Variants in FMNL3 observed in about 807,000 individuals in gnomAD.
The protein encoded by FMNL3 is formin-like protein 3.
In FMNL3, 57 loss-of-function variants were observed where a neutral mutation model predicts 119.6. The observed-to-expected ratio is 0.48, with a 90% CI of 0.39 to 0.59. The LOEUF (loss-of-function observed/expected upper bound fraction) is 0.59, where lower values mean the gene tolerates loss of function less well. FMNL3 is among the 20% of genes least tolerant of loss of function. The pLI is 0.00. For synonymous variants in FMNL3, 491 were observed against 507.3 expected (o/e 0.97, Z 0.43); for missense variants, 1,053 against 1,323.5 (o/e 0.80, Z 3.17).
intron 1 of FMNL3, among the ~76,000 whole-genome samples, chr12:49,704,710 CAAAAAAAAAAAAA>C (rs59799899): frequency 1.1e-4 from 4 of 37,848 alleles, no homozygotes; most frequent in Non-Finnish European, 2.3e-4. Flanking sequence ...AACTCCATCT[CAAAAAAAAAAAAA>C]AAAAAAAAAA....
intron 1 of FMNL3, among the ~76,000 whole-genome samples, chr12:49,698,128 A>G (rs1321312821): frequency 1.3e-5 from 2 of 152,230 alleles, no homozygotes; most frequent in East Asian, 3.8e-4. Context: ...CGTACAATTA[A>G]AAGAGGATTA....
Position 49,645,725 on chromosome 12 carries a change from G to T in FMNL3, c.*90C>A. The stretch of plus-strand genomic sequence containing the variant: ...CGGACATGGTTGAGAGAGCAACACA[G>T]CCCTCTCCTGAGCCCTTGGCCAATT... On this transcript the variant is annotated 3_prime_UTR_variant, in exon 26 of 26. Coordinates refer to ENST00000335154, the MANE Select transcript of FMNL3 (RefSeq NM_175736.5). 8.9e-7 allele frequency: 1 copy of T among 1,117,574 alleles called. No individual in the cohort carries two copies. Among genetic ancestry groups the T allele is most frequent in the Non-Finnish European group, 1.3e-6 (1 of 784,760 alleles). The allele number at this position is 1,117,574 out of a possible 1,614,324, so 69.2% of individuals were successfully genotyped here.
chr12:49,648,106 A>T, intron 22 of FMNL3, 87 bp downstream of exon 22: 12 of 910,690 alleles, frequency 1.3e-5, no homozygotes, highest in African/African-American at 1.2e-4. Flanking sequence ...GCTTGATTTA[A>T]AAAAAAAAAA....
chr12:49,688,395 A>C, intron 1 of FMNL3: 1 of 455,958 alleles, frequency 2.2e-6, no homozygotes, highest in Non-Finnish European at 4.4e-6. Context: ...TTAATTTCCA[A>C]ACTCCTTACC....
At chr12:49,648,452 G>C (rs1400144356) in intron 21 of FMNL3, 99 bp from the exon 22 acceptor site, 2 of 1,315,286 alleles carry the variant, frequency 1.5e-6, no homozygotes, top group Non-Finnish European at 2.1e-6. Context: ...CTCAGCATGG[G>C]CTCACTCAGG....
intron 1 of FMNL3, among the ~76,000 whole-genome samples, chr12:49,682,495 C>T (rs1344246056): frequency 6.6e-6 from 1 of 152,046 alleles, no homozygotes; most frequent in African/African-American, 2.4e-5. Flanking sequence ...AGGTGTGTGC[C>T]ATCATGGCTG....
chr12:49,637,142 C>T lies in FMNL3; in HGVS notation c.*8673G>A. The T allele has an allele frequency of 5.2e-6, 3 of 574,878 alleles. No homozygotes were observed. The highest frequency in any genetic ancestry group is 9.3e-6 in the Non-Finnish European group (3 of 324,006). The allele number at this position is 574,878 out of a possible 1,614,324, so 35.6% of individuals were successfully genotyped here. On this transcript the variant is annotated 3_prime_UTR_variant, in exon 26 of 26. Coordinates refer to ENST00000335154, the MANE Select transcript of FMNL3 (RefSeq NM_175736.5). Reference sequence around the variant, plus strand: ...ATGTTTATTTCCCTTGGTGGGGCACCCGACAGGCAGAGTTTATTCCCTCAG... The same window carrying T: ...ATGTTTATTTCCCTTGGTGGGGCACTCGACAGGCAGAGTTTATTCCCTCAG...
intron 1 of FMNL3, among the ~76,000 whole-genome samples, chr12:49,705,235 A>C (rs1429054572): frequency 6.6e-6 from 1 of 152,204 alleles, no homozygotes; most frequent in African/African-American, 2.4e-5. Context: ...GAAACAAATC[A>C]AAATTTTATA....
In FMNL3 at chr12:49,649,313, C is replaced by T. The variant is rs748226457; in HGVS notation, c.2331G>A (p.Met777Ile). Residue 777 changes from methionine to isoleucine, a missense_variant, in exon 20 of 26, where the codon ATG becomes ATA. Coordinates refer to ENST00000335154, the MANE Select transcript of FMNL3 (RefSeq NM_175736.5). The surrounding 1 kb of genome is among the most constrained non-coding windows in gnomAD (Gnocchi z 5.6). ...ACACAGCTCCCCGCTTGCTGCTGTT[C>T]ATGTAGTTCCCCAGTGCAAGTATGA... ...LEIILALGNY[M>I]NSSKRGAVYG... 1.9e-6 allele frequency: 3 copies of T among 1,614,198 alleles called. No homozygotes were observed. Among genetic ancestry groups the T allele is most frequent in the Admixed American group, 1.7e-5 (1 of 60,028 alleles).
At chr12:49,704,798 C>G (rs1945003929) in intron 1 of FMNL3, among the ~76,000 whole-genome samples, 1 of 151,444 alleles carries the variant, frequency 6.6e-6, no homozygotes, top group Non-Finnish European at 1.5e-5. Flanking sequence ...TATACAGGGG[C>G]TCACCTAATT....
At chr12:49,690,787 T>A (rs1420402736) in intron 1 of FMNL3, among the ~76,000 whole-genome samples, 1 of 152,168 alleles carries the variant, frequency 6.6e-6, no homozygotes, top group Non-Finnish European at 1.5e-5. Flanking sequence ...AAACTATAGT[T>A]AAGAAAGTGG....
In FMNL3 at chr12:49,642,226, T is replaced by C; in HGVS notation, c.*3589A>G. 9 of 1,614,142 alleles carry C rather than the reference T, an allele frequency of 5.6e-6. No individual in the cohort carries two copies. Among genetic ancestry groups the C allele is most frequent in the Non-Finnish European group, 7.6e-6 (9 of 1,180,004 alleles). On this transcript the variant is annotated 3_prime_UTR_variant, in exon 26 of 26. Coordinates refer to ENST00000335154, the MANE Select transcript of FMNL3 (RefSeq NM_175736.5). This position sits in a 1 kb window ranked among gnomAD's most constrained non-coding sequence, Gnocchi z 5.8. ...GGGTGACCCTGTTCCGTGTCCCTTC[T>C]TTCCTCAGCTGCTGGAGAAAGCAGA...
At position 49,636,556 on chromosome 12, in the gene FMNL3, T is replaced by C; in HGVS notation, c.*9259A>G. The stretch of plus-strand genomic sequence containing the variant: ...ATGATCCCCTCTTAAGAACTACCAT[T>C]GCAGTGGCTGCTCCCACAGAGCCCC... On this transcript the variant is annotated 3_prime_UTR_variant, in exon 26 of 26. Transcript: ENST00000335154. The C allele has an allele frequency of 5.3e-6, 4 of 755,300 alleles. No individual in the cohort carries two copies. The highest frequency in any genetic ancestry group is 1.7e-5 in the African/African-American group (1 of 57,588). 46.8% of individuals were successfully genotyped at this position (755,300 alleles called of 1,614,324 possible).
At chr12:49,688,569 A>G in intron 1 of FMNL3, 2 of 455,616 alleles carry the variant, frequency 4.4e-6, no homozygotes, top group East Asian at 6.9e-5. Flanking sequence ...CTCTTCCTAG[A>G]AAACTCATCC....
In FMNL3 at chr12:49,649,793, G is replaced by A; in HGVS notation, c.2133C>T (p.Asp711=). 1 of 1,614,196 alleles carries A rather than the reference G, an allele frequency of 6.2e-7. No individual in the cohort carries two copies. The highest frequency in any genetic ancestry group is 8.5e-7 in the Non-Finnish European group (1 of 1,180,040). The change falls in exon 18 of 26, where the codon GAC becomes GAT. Residue 711 remains aspartate (D), a synonymous_variant. Transcript: ENST00000335154. The surrounding 1 kb of genome is among the most constrained non-coding windows in gnomAD (Gnocchi z 5.6). ...RQPLEELAAE[D]RFMLLFSKVE... is the part of the protein sequence containing the mutation. Reference sequence around the variant, plus strand: ...CCTTGCTGAAGAGCAGCATGAAGCGGTCCTCAGCTGCCAACTCCTCCAGGG... The same window carrying A: ...CCTTGCTGAAGAGCAGCATGAAGCGATCCTCAGCTGCCAACTCCTCCAGGG...
In FMNL3 at chr12:49,647,032, G is replaced by GA. The variant is rs1943222223; in HGVS notation, c.2872-24dup. On this transcript the variant is annotated intron_variant, in intron 24 of 25. Transcript: ENST00000335154. This position sits in a 1 kb window ranked among gnomAD's most constrained non-coding sequence, Gnocchi z 4.9. Reference sequence around the variant, plus strand: ...GGTCTAGGGCCAAGAATGTGGAGGGGAAGGAAGTCATCACTAACCTAATGT... The same window carrying GA: ...GGTCTAGGGCCAAGAATGTGGAGGGGAAAGGAAGTCATCACTAACCTAATGT... The GA allele has an allele frequency of 1.9e-6, 3 of 1,613,634 alleles. No homozygotes were observed. Among genetic ancestry groups the GA allele is most frequent in the Non-Finnish European group, 2.5e-6 (3 of 1,179,860 alleles).
rs1335264411 is a variant in FMNL3 at position 49,642,663 on chromosome 12, A to G, written c.*3152T>C. On this transcript the variant is annotated 3_prime_UTR_variant, in exon 26 of 26. Coordinates refer to ENST00000335154, the MANE Select transcript of FMNL3 (RefSeq NM_175736.5). The surrounding 1 kb of genome is among the most constrained non-coding windows in gnomAD (Gnocchi z 5.8). ...GGATCCGGCTCTTCCGGGAGTTCCT[A>G]CAGGTGCTGGAGGTGAGGCAGGCTT... The G allele has an allele frequency of 6.2e-7, 1 of 1,614,010 alleles. No individual in the cohort carries two copies. The highest frequency in any genetic ancestry group is 1.3e-5 in the African/African-American group (1 of 75,038).
At chr12:49,695,625 T>C (rs1340805040) in intron 1 of FMNL3, among the ~76,000 whole-genome samples, 2 of 152,200 alleles carry the variant, frequency 1.3e-5, no homozygotes, top group Non-Finnish European at 2.9e-5. Flanking sequence ...CCTTAACCTT[T>C]ACAAGTTAAA....
chr12:49,681,302 G>A (rs1944327421), intron 1 of FMNL3, among the ~76,000 whole-genome samples: 1 of 152,292 alleles, frequency 6.6e-6, no homozygotes, highest in African/African-American at 2.4e-5. Context: ...CCGGGTTCAC[G>A]CCATTCTCCT....
Sources: allele counts gnomAD v4.1 joint callset (sites outside exome capture counted in the v4.1 genomes callset), GRCh38; gene constraint gnomAD v4.1.1; non-coding constraint Gnocchi (gnomAD v3.1); transcripts MANE v1.5; gene names NCBI Gene and HGNC (gene_info 2026-07-23, HGNC 2026-07-21).